Variants in INPP4B observed in about 807,000 individuals in gnomAD.
INPP4B encodes the protein inositol polyphosphate 4-phosphatase type II.
In INPP4B, 55 loss-of-function variants were observed where a neutral mutation model predicts 122.5. The ratio of observed to expected loss-of-function variants is 0.45; its 90% CI spans 0.36 to 0.56. INPP4B has a LOEUF of 0.56. INPP4B is among the 20% of genes least tolerant of loss of function. The probability of loss-of-function intolerance (pLI) is 0.00; values close to 1 mark genes in which losing one functional copy is unlikely to be tolerated. For missense variants in INPP4B, 1,000 were observed against 1,097.7 expected (o/e 0.91, Z 1.26); for synonymous variants, 403 against 388.7 (o/e 1.04, Z -0.43).
chr4:142,607,848 C>A (rs949687184), intron 2 of INPP4B, among the ~76,000 whole-genome samples: 5 of 152,046 alleles, frequency 3.3e-5, no homozygotes, highest in African/African-American at 1.2e-4. Flanking sequence ...AAGACAAGAC[C>A]TTTCCACTAT....
chr4:142,442,951 G>C (rs1312413540), intron 3 of INPP4B, among the ~76,000 whole-genome samples: 1 of 152,084 alleles, frequency 6.6e-6, no homozygotes, highest in African/African-American at 2.4e-5. Flanking sequence ...TTGTGCAGGG[G>C]AACTCCCATT....
At chr4:142,479,276 CAT>C (rs1302969195) in intron 2 of INPP4B, among the ~76,000 whole-genome samples, 1 of 152,124 alleles carries the variant, frequency 6.6e-6, no homozygotes, top group Non-Finnish European at 1.5e-5. Flanking sequence ...CACCATCTCA[CAT>C]GAGACAGAAT....
At chr4:142,572,640 T>A (rs1032365753) in intron 2 of INPP4B, among the ~76,000 whole-genome samples, 4 of 152,052 alleles carry the variant, frequency 2.6e-5, no homozygotes, top group African/African-American at 9.7e-5. Flanking sequence ...AAAACGGAAT[T>A]TTTTATCTGG....
At chr4:142,701,622 T>A (rs1761782789) in intron 2 of INPP4B, among the ~76,000 whole-genome samples, 1 of 152,204 alleles carries the variant, frequency 6.6e-6, no homozygotes, top group African/African-American at 2.4e-5. Flanking sequence ...GAATTTTTTG[T>A]TAAACACTAG....
In INPP4B at chr4:142,424,202, C is replaced by T. The variant is rs77594495; in HGVS notation, c.136+4971G>A. Among the ~76,000 whole-genome samples, 1,357 of 151,850 alleles carry T rather than the reference C, an allele frequency of 8.9e-3. 8 individuals carry two copies. The highest frequency in any genetic ancestry group is 0.016 in the Non-Finnish European group (1,056 of 67,870). On this transcript the variant is annotated intron_variant, in intron 5 of 25. Coordinates refer to ENST00000262992, the MANE Select transcript of INPP4B (RefSeq NM_001101669.3). ...CTTTCTCATAAAATTTTTATGCAATCCCTAATATTCTTAGATACCCTAGGA... is the reference window on the plus strand; with the variant it reads ...CTTTCTCATAAAATTTTTATGCAATTCCTAATATTCTTAGATACCCTAGGA...
At chr4:142,437,346 A>G (rs1418670920) in intron 3 of INPP4B, among the ~76,000 whole-genome samples, 1 of 152,136 alleles carries the variant, frequency 6.6e-6, no homozygotes, top group African/African-American at 2.4e-5. Context: ...AGTGGAACCA[A>G]GTTGGAAAAC....
intron 2 of INPP4B, among the ~76,000 whole-genome samples, chr4:142,530,806 G>A (rs896448957): frequency 6.6e-6 from 1 of 151,950 alleles, no homozygotes; most frequent in Non-Finnish European, 1.5e-5. Context: ...GCCTTAAAGT[G>A]GGAGAATGTT....
At chr4:142,813,811 G>C (rs1028887086) in intron 1 of INPP4B, among the ~76,000 whole-genome samples, 1 of 152,038 alleles carries the variant, frequency 6.6e-6, no homozygotes, top group African/African-American at 2.4e-5. Flanking sequence ...CTTTTATTAT[G>C]CTTCACTTTG....
chr4:142,206,716 G>T, intron 14 of INPP4B, among the ~76,000 whole-genome samples: 1 of 151,680 alleles, frequency 6.6e-6, no homozygotes, highest in East Asian at 1.9e-4. Context: ...CCATTACCAC[G>T]ACTTATGCCA....
At chr4:142,291,912 G>A (rs777788303) in intron 9 of INPP4B, among the ~76,000 whole-genome samples, 59 of 152,252 alleles carry the variant, frequency 3.9e-4, no homozygotes, top group Non-Finnish European at 7.2e-4. Context: ...GACAATCTCT[G>A]AGAAAATGAC....
At chr4:142,669,445 G>A (rs934533251) in intron 2 of INPP4B, among the ~76,000 whole-genome samples, 1 of 152,056 alleles carries the variant, frequency 6.6e-6, no homozygotes, top group Non-Finnish European at 1.5e-5. Context: ...AAAACAGCAT[G>A]GTACTGGCAT....
intron 18 of INPP4B, among the ~76,000 whole-genome samples, chr4:142,144,417 C>G (rs1314280413): frequency 3.3e-5 from 5 of 151,980 alleles, no homozygotes; most frequent in African/African-American, 1.2e-4. Flanking sequence ...GACATAGTCA[C>G]TAAAATGAAT....
chr4:142,466,368 G>A (rs926023429), intron 2 of INPP4B, among the ~76,000 whole-genome samples: 1 of 152,148 alleles, frequency 6.6e-6, no homozygotes, highest in African/African-American at 2.4e-5. Flanking sequence ...CATGTCCTAG[G>A]AATCTGTGGA....
intron 2 of INPP4B, among the ~76,000 whole-genome samples, chr4:142,669,140 G>A (rs142970806): frequency 0.032 from 4,867 of 152,136 alleles, 113 homozygotes; most frequent in Non-Finnish European, 0.048. Flanking sequence ...CACTGAAACC[G>A]TAAAATATTG....
chr4:142,546,130 C>T (rs1284121993), intron 2 of INPP4B, among the ~76,000 whole-genome samples: 1 of 151,896 alleles, frequency 6.6e-6, no homozygotes, highest in African/African-American at 2.4e-5. Flanking sequence ...TCGTTCCTCT[C>T]TATGTGTCTG....
intron 2 of INPP4B, among the ~76,000 whole-genome samples, chr4:142,579,001 A>G (rs920095971): frequency 5.9e-5 from 9 of 152,036 alleles, no homozygotes; most frequent in Admixed American, 3.9e-4. Context: ...TCTACCAAAA[A>G]AGACAAACAC....
chr4:142,785,835 A>G (rs893785081), intron 1 of INPP4B, among the ~76,000 whole-genome samples: 10 of 152,046 alleles, frequency 6.6e-5, no homozygotes, highest in Non-Finnish European at 1.3e-4. Context: ...AACACCAAGC[A>G]GGATAAATCC....
At chr4:142,647,377 A>C (rs764637162) in intron 2 of INPP4B, among the ~76,000 whole-genome samples, 53 of 152,198 alleles carry the variant, frequency 3.5e-4, no homozygotes, top group Non-Finnish European at 6.3e-4. Flanking sequence ...ACCTGCGCAT[A>C]TAATGCCTGA....
intron 1 of INPP4B, among the ~76,000 whole-genome samples, chr4:142,799,396 C>T (rs1160379961): frequency 1.3e-5 from 2 of 151,806 alleles, no homozygotes; most frequent in African/African-American, 4.8e-5. Context: ...TCATAATCCA[C>T]CCTTCAGAAG....
Sources: gnomAD v4.1 joint callset for allele counts (sites outside exome capture counted in the v4.1 genomes callset) on GRCh38, gnomAD v4.1.1 for gene constraint, MANE v1.5 for transcripts, NCBI Gene and HGNC (gene_info 2026-07-23, HGNC 2026-07-21) for gene names.